Variants in ATXN3 observed in about 807,000 individuals in gnomAD.
The protein encoded by ATXN3 is ataxin 3, also known as ataxin-3.
ATXN3 carries 28 observed loss-of-function variants against 58.2 expected under a neutral mutation model. The ratio of observed to expected loss-of-function variants is 0.48; its 90% CI spans 0.36 to 0.66. ATXN3 has a LOEUF of 0.66. Ranked by LOEUF, ATXN3 falls within the 30% of genes least tolerant of loss-of-function variation. ATXN3 has a pLI of 0.00. For synonymous variants in ATXN3, 113 were observed against 138.5 expected (o/e 0.82, Z 1.29); for missense variants, 321 against 422.1 (o/e 0.76, Z 2.10).
upstream of ATXN3, among the ~76,000 whole-genome samples, chr14:92,052,755 C>T (rs1397977267): frequency 6.6e-6 from 1 of 152,192 alleles, no homozygotes; most frequent in Non-Finnish European, 1.5e-5. Context: ...AGCTGAAATG[C>T]AACCTTATTC....
In ATXN3 at chr14:92,076,830, C is replaced by T. The variant is rs150510850; in HGVS notation, c.872+4135G>A. On this transcript the variant is annotated intron_variant, in intron 9 of 10. Transcript: ENST00000644486. Reference sequence around the variant, plus strand: ...AGGCACTTGCCTGTAACCGCAGCTACTTGGGAGGCTGAGGCAGAATAATCG... The same window carrying T: ...AGGCACTTGCCTGTAACCGCAGCTATTTGGGAGGCTGAGGCAGAATAATCG... Among the ~76,000 whole-genome samples, 49 of 149,120 alleles carry T rather than the reference C, an allele frequency of 3.3e-4. 1 individual carries two copies. In the East Asian group the frequency reaches 9.3e-3, roughly 28 times the overall value.
Position 92,080,991 on chromosome 14 carries a change from C to T in ATXN3, c.846G>A (p.Arg282=). 3.1e-6 allele frequency: 5 copies of T among 1,611,952 alleles called. No individual in the cohort carries two copies. Among genetic ancestry groups the T allele is most frequent in the Non-Finnish European group, 4.2e-6 (5 of 1,178,306 alleles). ...TTTCAAAGTAGGCTTCTCGTCTCTT[C>T]CGAAGCTCTTCTGAAGTAAGATTTG... is the stretch of plus-strand genomic sequence containing the variant. The part of the protein sequence containing the change: ...SGTNLTSEEL[R]KRREAYFEKQ... The change falls in exon 9 of 11, where the codon CGG becomes CGA. Residue 282 remains arginine, a synonymous_variant. Transcript: ENST00000644486.
At position 92,096,181 on chromosome 14, in the gene ATXN3, AAAG is replaced by A. The variant is rs1376134188; in HGVS notation, c.190-47_190-45del. On this transcript the variant is annotated intron_variant, in intron 2 of 10. Coordinates refer to ENST00000644486, the MANE Select transcript of ATXN3 (RefSeq NM_004993.6). Reference sequence around the variant, plus strand: ...AGTTGAAGCAAGGGTGGGGGTGGGGAAAGAAGGATACAAACTGTCATTAGCGTG... The same window carrying A: ...AGTTGAAGCAAGGGTGGGGGTGGGGAAAGGATACAAACTGTCATTAGCGTG... 9 of 1,610,200 alleles carry A rather than the reference AAAG, an allele frequency of 5.6e-6. No homozygotes were observed. In the Admixed American group the frequency reaches 1.0e-4, roughly 18 times the overall value.
intron 6 of ATXN3, among the ~76,000 whole-genome samples, chr14:92,085,463 G>A (rs568319558): frequency 1.6e-4 from 25 of 152,070 alleles, no homozygotes; most frequent in South Asian, 6.2e-4. Flanking sequence ...TGCTGGGATT[G>A]CAGGCATGAG....
chr14:92,049,355 G>A (rs1200137633), intron 1 of ATXN3, among the ~76,000 whole-genome samples: 3 of 152,178 alleles, frequency 2.0e-5, no homozygotes, highest in East Asian at 1.9e-4. Flanking sequence ...GCACCCCCAC[G>A]GTGATCAGAC....
At chr14:92,083,007 A>T (rs1398481808) in intron 7 of ATXN3, 119 bp downstream of exon 7, 2 of 1,241,590 alleles carry the variant, frequency 1.6e-6, no homozygotes, top group African/African-American at 1.5e-5. Context: ...TCACTAAAAT[A>T]TAAGGTCCAA....
chr14:92,067,562 A>G (rs1034570381), intron 10 of ATXN3, among the ~76,000 whole-genome samples: 9 of 152,012 alleles, frequency 5.9e-5, no homozygotes, highest in Non-Finnish European at 1.3e-4. Context: ...ACGCCCAGCT[A>G]ATTTTTGTAT....
At chr14:92,092,118 T>C (rs920845496) in intron 5 of ATXN3, among the ~76,000 whole-genome samples, 4 of 152,030 alleles carry the variant, frequency 2.6e-5, no homozygotes, top group African/African-American at 9.7e-5. Flanking sequence ...CTCTCACTCC[T>C]CCATAGCCTT....
chr14:92,094,122 A>G (rs1056513114), intron 3 of ATXN3, among the ~76,000 whole-genome samples: 1 of 151,942 alleles, frequency 6.6e-6, no homozygotes, highest in South Asian at 2.1e-4. Flanking sequence ...TTGTATTTTT[A>G]GTAGAGACAG....
chr14:92,105,187 C>T (rs1956415), intron 1 of ATXN3, among the ~76,000 whole-genome samples: 45,980 of 152,004 alleles, frequency 0.3, 7,228 homozygotes, highest in Admixed American at 0.39. Context: ...TTCGAGAGGC[C>T]GAGGTGGGAG....
chr14:92,073,272 G>A (rs2059764040), intron 9 of ATXN3, among the ~76,000 whole-genome samples: 1 of 152,222 alleles, frequency 6.6e-6, no homozygotes, highest in South Asian at 2.1e-4. Context: ...CACTGAGGTG[G>A]AACATGTTCA....
At position 92,086,867 on chromosome 14, in the gene ATXN3, A is replaced by T. The variant is rs184438102; in HGVS notation, c.475+1863T>A. ...TATAAGAGAGTGGAGAGATGAAAGC[A>T]GGAACATCTTGAGTAGGTGAGAAGA... On this transcript the variant is annotated intron_variant, in intron 6 of 10. Coordinates refer to ENST00000644486, the MANE Select transcript of ATXN3 (RefSeq NM_004993.6). Among the ~76,000 whole-genome samples, 794 of 152,298 alleles carry T rather than the reference A, an allele frequency of 5.2e-3. 1 individual carries two copies. Among genetic ancestry groups the T allele is most frequent in the Non-Finnish European group, 6.6e-3 (446 of 68,024 alleles).
At chr14:92,053,492 C>CT (rs540092730), upstream of ATXN3, among the ~76,000 whole-genome samples, 3,806 of 134,734 alleles carry the variant, frequency 0.028, 115 homozygotes, top group South Asian at 0.076. Context: ...TTCTTTCTTT[C>CT]TTTTTTTTTT....
chr14:92,088,366 A>G (rs1595838874), intron 6 of ATXN3, among the ~76,000 whole-genome samples: 3 of 152,196 alleles, frequency 2.0e-5, no homozygotes, highest in African/African-American at 7.2e-5. Flanking sequence ...CACCGTGCCC[A>G]GCCGTTAGGG....
chr14:92,084,635 G>C (rs910764623), intron 6 of ATXN3, among the ~76,000 whole-genome samples: 1 of 151,090 alleles, frequency 6.6e-6, no homozygotes, highest in Non-Finnish European at 1.5e-5. Flanking sequence ...GGAGTGCAGT[G>C]GTGCAATATT....
At chr14:92,066,111 TC>T (rs1177859893) in intron 10 of ATXN3, among the ~76,000 whole-genome samples, 1 of 78,602 alleles carries the variant, frequency 1.3e-5, no homozygotes, top group African/African-American at 6.4e-5. Context: ...TAAATAAATT[TC>T]TGTTTCTCTG....
At chr14:92,086,513 C>T (rs1189529452) in intron 6 of ATXN3, among the ~76,000 whole-genome samples, 7 of 137,320 alleles carry the variant, frequency 5.1e-5, no homozygotes, top group African/African-American at 1.1e-4. Context: ...TACGGTGAGC[C>T]GAGATCACGC....
intron 1 of ATXN3, among the ~76,000 whole-genome samples, chr14:92,103,611 AG>A (rs930536809): frequency 6.6e-6 from 1 of 152,104 alleles, no homozygotes. Flanking sequence ...TCATTCTTGT[AG>A]AGACAGGTCT....
chr14:92,093,067 AT>A (rs11340209), intron 5 of ATXN3, among the ~76,000 whole-genome samples, 184 bp downstream of exon 5: 40,377 of 140,436 alleles, frequency 0.29, 5,936 homozygotes, highest in East Asian at 0.44. Context: ...TTTTATTTTT[AT>A]TTTTTTTTTA....
Sources: gnomAD v4.1 joint callset for allele counts (sites outside exome capture counted in the v4.1 genomes callset) on GRCh38, gnomAD v4.1.1 for gene constraint, MANE v1.5 for transcripts, NCBI Gene and HGNC (gene_info 2026-07-23, HGNC 2026-07-21) for gene names.